The following SAMMSON variants were observed in gnomAD, a reference collection of about 807,000 sequenced individuals.
SAMMSON encodes long intergenic non-protein coding RNA 1212.
chr3:70,328,892 G>A (rs765161109), intron 7 of SAMMSON, among the ~76,000 whole-genome samples: 10 of 152,056 alleles, frequency 6.6e-5, no homozygotes, highest in East Asian at 3.8e-4. Flanking sequence ...CTTAAAGCTC[G>A]TACTAAACAG....
chr3:70,129,328 C>A (rs1457443232), intron 4 of SAMMSON, among the ~76,000 whole-genome samples: 1 of 152,118 alleles, frequency 6.6e-6, no homozygotes, highest in Non-Finnish European at 1.5e-5. Context: ...TCCATAACAA[C>A]CTTAAAAGAT....
intron 7 of SAMMSON, among the ~76,000 whole-genome samples, chr3:70,346,197 T>C (rs1159387623): frequency 3.9e-5 from 6 of 152,158 alleles, no homozygotes; most frequent in Admixed American, 6.5e-5. Context: ...GCATTTCTTA[T>C]TGTTGTTTTA....
At chr3:70,124,624 A>C (rs187046102) in intron 4 of SAMMSON, among the ~76,000 whole-genome samples, 2 of 152,056 alleles carry the variant, frequency 1.3e-5, no homozygotes, top group Non-Finnish European at 2.9e-5. Flanking sequence ...CATTCTGGCT[A>C]ACACAGTGAA....
At chr3:70,024,671 C>T (rs6808477) in intron 3 of SAMMSON, 2 of 152,150 alleles carry the variant, frequency 1.3e-5, no homozygotes, top group Admixed American at 6.5e-5. Context: ...GGAAAGCATT[C>T]GGATTTTCCT....
intron 4 of SAMMSON, among the ~76,000 whole-genome samples, chr3:70,212,534 G>A (rs142424890): frequency 1.8e-4 from 28 of 152,062 alleles, no homozygotes; most frequent in Non-Finnish European, 3.7e-4. Context: ...TCTCAAGTCC[G>A]TGTCTGCTTT....
chr3:70,306,949 A>G (rs1702407091), intron 7 of SAMMSON, among the ~76,000 whole-genome samples: 1 of 152,194 alleles, frequency 6.6e-6, no homozygotes. Context: ...CTTTGCTCAT[A>G]CAAATAAATA....
intron 8 of SAMMSON, among the ~76,000 whole-genome samples, chr3:70,355,775 A>G (rs1030785351): frequency 6.6e-6 from 1 of 152,084 alleles, no homozygotes; most frequent in Non-Finnish European, 1.5e-5. Flanking sequence ...CAGCATAAGG[A>G]GTAGGAGAAG....
In SAMMSON at chr3:70,377,088, T is replaced by C. The variant is rs552526866; in HGVS notation, n.914-12486T>C. On this transcript the variant is annotated intron_variant and non_coding_transcript_variant, in intron 9 of 9. Transcript: ENST00000642114. Reference sequence around the variant, plus strand: ...CACTCAAAACAATAGAAATAAACTGTAATCTCAATTAGAAGTATAAAAGTT... The same window carrying C: ...CACTCAAAACAATAGAAATAAACTGCAATCTCAATTAGAAGTATAAAAGTT... Among the ~76,000 whole-genome samples, 3 of 152,266 alleles carry C rather than the reference T, an allele frequency of 2.0e-5. No homozygotes were observed. In the South Asian group the frequency reaches 6.2e-4, roughly 32 times the overall value.
chr3:70,371,163 A>G (rs371758596), intron 9 of SAMMSON, among the ~76,000 whole-genome samples: 1 of 152,060 alleles, frequency 6.6e-6, no homozygotes, highest in African/African-American at 2.4e-5. Context: ...ATTCTGTTCC[A>G]TTGGTCTTTG....
intron 4 of SAMMSON, among the ~76,000 whole-genome samples, chr3:70,167,826 G>C (rs1389883476): frequency 1.3e-5 from 2 of 151,978 alleles, no homozygotes; most frequent in Non-Finnish European, 2.9e-5. Context: ...CTTCATAGTA[G>C]AAGAAGCCTG....
chr3:70,305,467 AT>A (rs1184183693), intron 7 of SAMMSON, among the ~76,000 whole-genome samples: 50 of 152,228 alleles, frequency 3.3e-4, no homozygotes, highest in African/African-American at 1.1e-3. Context: ...GATACAAAAA[AT>A]ATCCCGTTTA....
intron 9 of SAMMSON, among the ~76,000 whole-genome samples, chr3:70,378,979 T>TTTTTTTTA (rs1173122692): frequency 4.0e-4 from 57 of 141,494 alleles, no homozygotes; most frequent in African/African-American, 1.4e-3. Context: ...ATACTTACAC[T>TTTTTTTTA]TTTATTTATT....
intron 2 of SAMMSON, among the ~76,000 whole-genome samples, chr3:70,419,735 T>C (rs1336318765): frequency 6.6e-6 from 1 of 152,050 alleles, no homozygotes; most frequent in Non-Finnish European, 1.5e-5. Flanking sequence ...GCCTCCCGGG[T>C]TCACGCCATT....
intron 4 of SAMMSON, among the ~76,000 whole-genome samples, chr3:70,138,353 G>A (rs1471376163): frequency 6.6e-6 from 1 of 152,194 alleles, no homozygotes; most frequent in East Asian, 1.9e-4. Context: ...AGGCTGGGAA[G>A]TCCAAGATCA....
At chr3:70,116,872 C>T (rs2067413727) in intron 4 of SAMMSON, among the ~76,000 whole-genome samples, 1 of 152,162 alleles carries the variant, frequency 6.6e-6, no homozygotes, top group South Asian at 2.1e-4. Context: ...AGATGAGATT[C>T]ACTAACATTA....
intron 6 of SAMMSON, among the ~76,000 whole-genome samples, chr3:70,254,904 T>C (rs1701800634): frequency 6.6e-6 from 1 of 152,224 alleles, no homozygotes; most frequent in Non-Finnish European, 1.5e-5. Context: ...GTATTTCCTT[T>C]TCCGACTGTA....
intron 7 of SAMMSON, among the ~76,000 whole-genome samples, chr3:70,333,740 C>A (rs573420116): frequency 4.6e-5 from 7 of 152,172 alleles, no homozygotes; most frequent in Non-Finnish European, 8.8e-5. Context: ...TCCAACTTGC[C>A]TTTATCATGT....
At chr3:70,302,506 TC>T (rs1393643600) in intron 7 of SAMMSON, 1 of 152,162 alleles carries the variant, frequency 6.6e-6, no homozygotes, top group African/African-American at 2.4e-5. Flanking sequence ...GTGTATCACA[TC>T]AACAGCTGTT....
At chr3:70,104,265 G>GT (rs565482813) in intron 4 of SAMMSON, among the ~76,000 whole-genome samples, 5,537 of 140,090 alleles carry the variant, frequency 0.04, 186 homozygotes, top group African/African-American at 0.11. Flanking sequence ...AAAACCTCGT[G>GT]TTTTTTTTTT....
Sources: gnomAD v4.1 joint callset for allele counts (sites outside exome capture counted in the v4.1 genomes callset) on GRCh38, gnomAD v4.1.1 for gene constraint, MANE v1.5 for transcripts, NCBI Gene and HGNC (gene_info 2026-07-23, HGNC 2026-07-21) for gene names.